PPP2R1B: variants seen among roughly 807,000 people sequenced by gnomAD.
PPP2R1B encodes serine/threonine-protein phosphatase 2A 65 kDa regulatory subunit A beta isoform.
A neutral mutation model predicts 72.7 loss-of-function variants in PPP2R1B; 58 were observed. That is an observed-to-expected ratio of 0.80 (90% confidence interval 0.65 to 0.99). The LOEUF (loss-of-function observed/expected upper bound fraction) is 0.99, where lower values mean the gene tolerates loss of function less well. Among genes scored for constraint, PPP2R1B ranks in the 50% least tolerant of loss-of-function variants. The pLI is 0.00. For missense variants in PPP2R1B, 695 were observed against 733.6 expected (o/e 0.95, Z 0.61); for synonymous variants, 256 against 264.6 (o/e 0.97, Z 0.32).
At chr11:111,718,083 A>G in the PPP2R1B span, among the ~76,000 whole-genome samples, 1 of 152,220 alleles carries the variant, frequency 6.6e-6, no homozygotes, top group Non-Finnish European at 1.5e-5. Flanking sequence ...AATTGAAGAA[A>G]AAAAAAGAAC....
At chr11:111,696,893 C>A in the PPP2R1B span, among the ~76,000 whole-genome samples, 1 of 152,166 alleles carries the variant, frequency 6.6e-6, no homozygotes, top group Non-Finnish European at 1.5e-5. Flanking sequence ...TCATTCCCCC[C>A]CTACTCACCT....
chr11:111,730,398 G>A (rs1944147517), intron 15 of PPP2R1B: 1 of 152,228 alleles, frequency 6.6e-6, no homozygotes, highest in Non-Finnish European at 1.5e-5. Flanking sequence ...GGGGAAAGAA[G>A]TGGAGAGAAA....
the PPP2R1B span, among the ~76,000 whole-genome samples, chr11:111,718,541 T>C: frequency 6.6e-6 from 1 of 152,214 alleles, no homozygotes; most frequent in Non-Finnish European, 1.5e-5. Flanking sequence ...TAGCCCAGAA[T>C]GGATTTTATG....
Position 111,739,240 on chromosome 11 carries a change from T to C in PPP2R1B, c.*2356A>G. The C allele has an allele frequency of 6.2e-6, 6 of 972,640 alleles. No individual in the cohort carries two copies. Among genetic ancestry groups the C allele is most frequent in the Non-Finnish European group, 6.1e-6 (5 of 818,464 alleles). The allele number at this position is 972,640 out of a possible 1,614,324, so 60.3% of individuals were successfully genotyped here. On this transcript the variant is annotated 3_prime_UTR_variant, in exon 15 of 15. Transcript: ENST00000527614. The stretch of plus-strand genomic sequence containing the variant: ...CAGACACTGTTCCAGGCACTGGCGA[T>C]ACAGTAGAAGATAAAACAGACAAAA...
At chr11:111,718,580 A>G in the PPP2R1B span, among the ~76,000 whole-genome samples, 5 of 152,340 alleles carry the variant, frequency 3.3e-5, 1 homozygote, top group African/African-American at 1.2e-4. Flanking sequence ...TGCAGCAAAC[A>G]AAGATCTGAG....
chr11:111,691,269 T>A, the PPP2R1B span, among the ~76,000 whole-genome samples: 1 of 152,338 alleles, frequency 6.6e-6, no homozygotes, highest in East Asian at 1.9e-4. Flanking sequence ...AGAAGTCAGA[T>A]AAAAATTCAG....
the PPP2R1B span, among the ~76,000 whole-genome samples, chr11:111,711,929 C>A: frequency 6.6e-6 from 1 of 152,228 alleles, no homozygotes; most frequent in African/African-American, 2.4e-5. Flanking sequence ...CTTGATTCCT[C>A]ACAAAAGCTA....
intron 15 of PPP2R1B, chr11:111,730,299 A>C (rs1434360758): frequency 6.6e-6 from 1 of 152,246 alleles, no homozygotes; most frequent in Non-Finnish European, 1.5e-5. Context: ...GTCTGTCTGC[A>C]GAAGATTTGC....
the PPP2R1B span, among the ~76,000 whole-genome samples, chr11:111,690,075 T>A: frequency 1.3e-5 from 2 of 152,098 alleles, no homozygotes; most frequent in Non-Finnish European, 2.9e-5. Flanking sequence ...TGCACAAAAT[T>A]AGAATACTTT....
At chr11:111,708,669 A>G in the PPP2R1B span, among the ~76,000 whole-genome samples, 3 of 152,096 alleles carry the variant, frequency 2.0e-5, no homozygotes, top group South Asian at 2.1e-4. Flanking sequence ...CTTTAGCCTC[A>G]ACCTCCTGGG....
the PPP2R1B span, among the ~76,000 whole-genome samples, chr11:111,692,637 T>C: frequency 1.3e-5 from 2 of 152,176 alleles, no homozygotes; most frequent in Non-Finnish European, 2.9e-5. Context: ...AGGATATTTA[T>C]TTTTATCTGT....
At chr11:111,715,768 A>G in the PPP2R1B span, among the ~76,000 whole-genome samples, 2 of 149,790 alleles carry the variant, frequency 1.3e-5, no homozygotes, top group African/African-American at 4.9e-5. Flanking sequence ...ACATACATAT[A>G]CACGCACACT....
the PPP2R1B span, among the ~76,000 whole-genome samples, chr11:111,703,043 A>G: frequency 6.6e-6 from 1 of 152,338 alleles, no homozygotes; most frequent in South Asian, 2.1e-4. Flanking sequence ...AACTTGAGAA[A>G]TATAAGTAGC....
At chr11:111,756,947 C>T (rs1555049880) in intron 5 of PPP2R1B, among the ~76,000 whole-genome samples, 2 of 152,026 alleles carry the variant, frequency 1.3e-5, no homozygotes, top group Admixed American at 6.6e-5. Context: ...AACCCCATCT[C>T]TACTAACAAT....
the PPP2R1B span, among the ~76,000 whole-genome samples, chr11:111,698,282 A>G: frequency 6.6e-6 from 1 of 152,210 alleles, no homozygotes; most frequent in South Asian, 2.1e-4. Flanking sequence ...AAGTGTTCCC[A>G]GCTCTTGTTC....
chr11:111,719,984 G>A, the PPP2R1B span: 1 of 1,613,914 alleles, frequency 6.2e-7, no homozygotes, highest in Non-Finnish European at 8.5e-7. Flanking sequence ...CCAATCAACT[G>A]GTCGTGATGC....
At chr11:111,733,010 G>A (rs895173392), downstream of PPP2R1B, among the ~76,000 whole-genome samples, 1 of 152,174 alleles carries the variant, frequency 6.6e-6, no homozygotes, top group Non-Finnish European at 1.5e-5. Flanking sequence ...AGGCAGATGT[G>A]GGTCCTGACT....
intron 3 of PPP2R1B, among the ~76,000 whole-genome samples, chr11:111,763,443 C>T (rs1260403111): frequency 6.6e-6 from 1 of 152,150 alleles, no homozygotes; most frequent in Non-Finnish European, 1.5e-5. Context: ...GAGAGTGAGC[C>T]ATCTGCTGGG....
chr11:111,755,886 T>C (rs1171440045), intron 5 of PPP2R1B, among the ~76,000 whole-genome samples: 1 of 151,944 alleles, frequency 6.6e-6, no homozygotes, highest in Non-Finnish European at 1.5e-5. Context: ...CGCGAGCCAC[T>C]GCGCCTGGCC....
Sources: gnomAD v4.1 joint callset for allele counts (sites outside exome capture counted in the v4.1 genomes callset) on GRCh38, gnomAD v4.1.1 for gene constraint, MANE v1.5 for transcripts, NCBI Gene and HGNC (gene_info 2026-07-23, HGNC 2026-07-21) for gene names.